SPHKAP: variants seen among roughly 807,000 people sequenced by gnomAD.
SPHKAP encodes SPHK1 interactor, AKAP domain containing.
Under a neutral mutation model 137.5 loss-of-function variants are expected in SPHKAP, and 67 were observed. That is an observed-to-expected ratio of 0.49 (90% CI 0.40 to 0.60). The LOEUF (loss-of-function observed/expected upper bound fraction) is 0.60. Among genes scored for constraint, SPHKAP ranks in the 20% least tolerant of loss-of-function variants. The pLI is 0.00. For missense variants in SPHKAP, 2,097 were observed against 2,069.3 expected (o/e 1.01, Z -0.26); for synonymous variants, 813 against 785.3 (o/e 1.04, Z -0.59).
chr2:228,140,508 C>T (rs1699572659), intron 1 of SPHKAP, among the ~76,000 whole-genome samples: 1 of 152,130 alleles, frequency 6.6e-6, no homozygotes, highest in Non-Finnish European at 1.5e-5. Context: ...ACGGCAGGTA[C>T]TGAGCACTCT....
At chr2:228,128,053 C>T (rs975926767) in intron 2 of SPHKAP, among the ~76,000 whole-genome samples, 6 of 152,210 alleles carry the variant, frequency 3.9e-5, no homozygotes, top group African/African-American at 1.2e-4. Context: ...AGGTGGTGGA[C>T]GCTGAAGGTT....
At position 228,027,608 on chromosome 2, in the gene SPHKAP, A is replaced by C. The variant is rs951021052; in HGVS notation, c.247-65T>G. On this transcript the variant is annotated intron_variant, in intron 3 of 11. Transcript: ENST00000392056. ...ACCTGACTGTCTTTTTAGAAGAAAG[A>C]AAGCAGGAATCAGTTGGGGCAAATG... The C allele has an allele frequency of 1.9e-5, 29 of 1,523,464 alleles. No individual in the cohort carries two copies. In the Admixed American group the frequency reaches 2.9e-4, roughly 15 times the overall value. The allele number at this position is 1,523,464 out of a possible 1,614,324, so 94.4% of individuals were successfully genotyped here. A position where few individuals can be genotyped will look rare whatever the true frequency, so the allele number is the denominator to read the frequency against.
chr2:228,137,286 A>C (rs1205059770), intron 1 of SPHKAP, among the ~76,000 whole-genome samples: 2 of 152,182 alleles, frequency 1.3e-5, no homozygotes, highest in African/African-American at 4.8e-5. Flanking sequence ...GATGCCCAAC[A>C]AGCACTTATT....
intron 3 of SPHKAP, among the ~76,000 whole-genome samples, chr2:228,092,714 A>T (rs1366014682): frequency 6.6e-6 from 1 of 150,904 alleles, no homozygotes; most frequent in Non-Finnish European, 1.5e-5. Context: ...TATATATATA[A>T]CACTACTCAG....
In SPHKAP at chr2:228,101,332, C is replaced by T. The variant is rs1698176244; in HGVS notation, c.246+7500G>A. ...TCATTAACATATGCTGTTTAACATACATGTACAATTTTGTAGCCTACTTTT... is the reference window on the plus strand; with the variant it reads ...TCATTAACATATGCTGTTTAACATATATGTACAATTTTGTAGCCTACTTTT... On this transcript the variant is annotated intron_variant, in intron 3 of 11. Transcript: ENST00000392056. 3.3e-5 allele frequency among the ~76,000 whole-genome samples: 5 copies of T among 152,302 alleles called. No individual in the cohort carries two copies. The South Asian group carries it at 1.0e-3, about 32-fold the overall frequency.
At chr2:228,024,440 A>G (rs1027421235) in intron 5 of SPHKAP, among the ~76,000 whole-genome samples, 1 of 151,488 alleles carries the variant, frequency 6.6e-6, no homozygotes, top group African/African-American at 2.4e-5. Flanking sequence ...TTGACAAGCC[A>G]CAAATTACCT....
chr2:228,027,986 A>G (rs1222704885), intron 3 of SPHKAP: 2 of 982,614 alleles, frequency 2.0e-6, no homozygotes, highest in Non-Finnish European at 1.2e-6. Context: ...AGAAAAAAGA[A>G]AAAAAGAAAT....
At chr2:228,160,814 C>A (rs1326841228) in intron 1 of SPHKAP, among the ~76,000 whole-genome samples, 3 of 152,222 alleles carry the variant, frequency 2.0e-5, no homozygotes, top group Non-Finnish European at 4.4e-5. Context: ...CTCAGTGTCC[C>A]TGTCCTTATA....
rs1417859357 is a variant in SPHKAP, at chr2:228,017,120, G to T, written c.3734C>A (p.Pro1245Gln). 1 of 1,613,962 alleles carries T rather than the reference G, an allele frequency of 6.2e-7. No homozygotes were observed. The highest frequency in any genetic ancestry group is 1.7e-5 in the Admixed American group (1 of 60,006). The change falls in exon 7 of 12, where the codon CCA becomes CAA. Residue 1245 changes from proline (P) to glutamine (Q), a missense_variant. Physicochemically the swap from Pro to Gln is moderately conservative, Grantham distance 76. Transcript: ENST00000392056. ...CACATTCACTGTCAGCCTGGAGCAT[G>T]GGGATCTGCTGTCTGGCATGGACGA... ...RQSSMPDSRS[P>Q]CSRLTVNVPI...
At chr2:228,053,655 T>A (rs1696337487) in intron 3 of SPHKAP, among the ~76,000 whole-genome samples, 1 of 152,232 alleles carries the variant, frequency 6.6e-6, no homozygotes, top group Non-Finnish European at 1.5e-5. Flanking sequence ...GAAAAACTAC[T>A]GGTTGAGTCC....
chr2:228,124,208 A>G (rs1043540662), intron 2 of SPHKAP, among the ~76,000 whole-genome samples: 11 of 152,294 alleles, frequency 7.2e-5, no homozygotes, highest in African/African-American at 2.2e-4. Flanking sequence ...TAGAAATACT[A>G]TTTGACCCAG....
rs1235828088 is a variant in SPHKAP, at chr2:227,980,498, T to A, written c.*1219A>T. The stretch of plus-strand genomic sequence containing the variant: ...AGAAAATAAAAGTCCGTGTAGGTCA[T>A]TTAGTTGGAAGGAAAGAAGACTTAT... On this transcript the variant is annotated 3_prime_UTR_variant, in exon 12 of 12. Coordinates refer to ENST00000392056, the MANE Select transcript of SPHKAP (RefSeq NM_001142644.2). 6.6e-6 allele frequency: 1 copy of A among 152,104 alleles called. No homozygotes were observed. Among genetic ancestry groups the A allele is most frequent in the Non-Finnish European group, 1.5e-5 (1 of 67,988 alleles). 9.4% of individuals were successfully genotyped at this position (152,104 alleles called of 1,614,324 possible). A position where few individuals can be genotyped will look rare whatever the true frequency, so the allele number is the denominator to read the frequency against.
At chr2:228,151,108 A>G (rs921771275) in intron 1 of SPHKAP, among the ~76,000 whole-genome samples, 4 of 125,592 alleles carry the variant, frequency 3.2e-5, no homozygotes, top group Non-Finnish European at 6.5e-5. Context: ...CACAGTCCCC[A>G]GAGTGTGATG....
intron 2 of SPHKAP, among the ~76,000 whole-genome samples, chr2:228,123,567 A>C (rs778201770): frequency 6.6e-6 from 1 of 152,218 alleles, no homozygotes; most frequent in Non-Finnish European, 1.5e-5. Flanking sequence ...ATTTTCCATC[A>C]TGTGAATATC....
chr2:228,021,297 G>T (rs1023209839), intron 6 of SPHKAP, among the ~76,000 whole-genome samples: 1 of 152,188 alleles, frequency 6.6e-6, no homozygotes, highest in Non-Finnish European at 1.5e-5. Flanking sequence ...ACTGGCGCCA[G>T]ATCTCACAGC....
At chr2:228,026,808 T>C (rs1253056808) in intron 4 of SPHKAP, among the ~76,000 whole-genome samples, 2 of 152,244 alleles carry the variant, frequency 1.3e-5, no homozygotes, top group Non-Finnish European at 2.9e-5. Flanking sequence ...TGGGAATAAC[T>C]GTCAGTAACC....
chr2:228,173,210 G>A (rs898601900), intron 1 of SPHKAP, among the ~76,000 whole-genome samples: 1 of 152,146 alleles, frequency 6.6e-6, no homozygotes. Flanking sequence ...CAAGGAGAAA[G>A]AAACAAGAAA....
chr2:228,101,277 T>G (rs1698175269), intron 3 of SPHKAP, among the ~76,000 whole-genome samples: 1 of 152,254 alleles, frequency 6.6e-6, no homozygotes, highest in Admixed American at 6.5e-5. Context: ...ATTGTAGTTA[T>G]TCCTGATTTC....
At chr2:227,994,901 G>A (rs982243997) in intron 8 of SPHKAP, among the ~76,000 whole-genome samples, 10 of 152,292 alleles carry the variant, frequency 6.6e-5, no homozygotes, top group Non-Finnish European at 2.9e-5. Context: ...CAAAGTTTGT[G>A]GTTCAGTATC....
Sources: gnomAD v4.1 joint callset for allele counts (sites outside exome capture counted in the v4.1 genomes callset) on GRCh38, gnomAD v4.1.1 for gene constraint, MANE v1.5 for transcripts, NCBI Gene and HGNC (gene_info 2026-07-23, HGNC 2026-07-21) for gene names.